ITPKB: variants seen among roughly 807,000 people sequenced by gnomAD.
ITPKB encodes the protein inositol-trisphosphate 3-kinase B.
In ITPKB, 13 loss-of-function variants were observed where a neutral mutation model predicts 69.4. That is an observed-to-expected ratio of 0.19 (90% CI 0.12 to 0.30). ITPKB has a LOEUF of 0.30. ITPKB is among the 10% of genes least tolerant of loss of function. The pLI, the probability that ITPKB is intolerant of heterozygous loss-of-function variation, is 1.00. For missense variants in ITPKB, 1,240 were observed against 1,250.5 expected (o/e 0.99, Z 0.13); for synonymous variants, 584 against 513.7 (o/e 1.14, Z -1.85).
At chr1:226,699,641 G>A (rs910481427) in intron 2 of ITPKB, among the ~76,000 whole-genome samples, 1 of 152,170 alleles carries the variant, frequency 6.6e-6, no homozygotes, top group Non-Finnish European at 1.5e-5. Flanking sequence ...ACGTTAGTCA[G>A]TATCATCTTT....
intron 2 of ITPKB, among the ~76,000 whole-genome samples, chr1:226,679,553 G>A (rs1337465698): frequency 6.6e-6 from 1 of 152,222 alleles, no homozygotes; most frequent in African/African-American, 2.4e-5. Context: ...GAGTTGTGGG[G>A]ACTAACCTAA....
intron 2 of ITPKB, among the ~76,000 whole-genome samples, chr1:226,696,825 C>T (rs1363785415): frequency 6.6e-6 from 1 of 152,198 alleles, no homozygotes; most frequent in African/African-American, 2.4e-5. Context: ...TAGCCCAAGC[C>T]ATCCCCTGAG....
At chr1:226,727,227 C>A (rs558131175) in intron 2 of ITPKB, among the ~76,000 whole-genome samples, 1 of 152,174 alleles carries the variant, frequency 6.6e-6, no homozygotes, top group Non-Finnish European at 1.5e-5. Flanking sequence ...AGACAAACAC[C>A]AGCTCCTATT....
At chr1:226,713,800 A>G (rs1657032008) in intron 2 of ITPKB, among the ~76,000 whole-genome samples, 1 of 152,104 alleles carries the variant, frequency 6.6e-6, no homozygotes, top group African/African-American at 2.4e-5. Context: ...TCAGATAACA[A>G]TCAGTGTCCT....
chr1:226,678,141 C>T (rs1655956481), intron 2 of ITPKB, among the ~76,000 whole-genome samples: 1 of 152,200 alleles, frequency 6.6e-6, no homozygotes, highest in African/African-American at 2.4e-5. Context: ...CACACCTCCA[C>T]AATTTGTCCA....
At position 226,737,333 on chromosome 1, in the gene ITPKB, C is replaced by T. The variant is rs1254694886; in HGVS notation, c.126G>A (p.Leu42=). 1.9e-6 allele frequency: 3 copies of T among 1,599,588 alleles called. No individual in the cohort carries two copies. The African/African-American group carries it at 4.0e-5, about 21-fold the overall frequency. The part of the protein sequence containing the change: ...ETPPPPRRAV[L]SPGSVFSPGR... ...CGGGGCTGAAAACGCTGCCGGGGCT[C>T]AGCACTGCCCTCCTCGGGGGCGGGG... Residue 42 remains leucine, a synonymous_variant, in exon 2 of 8, where the codon CTG becomes CTA. Transcript: ENST00000429204.
Position 226,707,958 on chromosome 1 carries a change from T to C in ITPKB, c.1932+27569A>G, listed in dbSNP as rs371878705. ...GAGGTCATTTTAACAAAAATACTCA[T>C]GGCTGCATATGGCAATAACTGCAAC... On this transcript the variant is annotated intron_variant, in intron 2 of 7. Transcript: ENST00000429204. 440 of 1,219,722 alleles carry C rather than the reference T, an allele frequency of 3.6e-4. 7 individuals carry two copies. In the South Asian group the frequency reaches 5.4e-3, roughly 15 times the overall value. 75.6% of individuals were successfully genotyped at this position (1,219,722 alleles called of 1,614,324 possible). A position where few individuals can be genotyped will look rare whatever the true frequency, so the allele number is the denominator to read the frequency against.
rs567425174 is a variant in ITPKB at position 226,707,156 on chromosome 1, A to C, written c.1932+28371T>G. The C allele has an allele frequency of 1.0e-3, 762 of 726,242 alleles. 3 individuals are homozygous for C. The highest frequency in any genetic ancestry group is 1.2e-3 in the Non-Finnish European group (732 of 593,496). 45.0% of individuals were successfully genotyped at this position (726,242 alleles called of 1,614,324 possible). On this transcript the variant is annotated intron_variant, in intron 2 of 7. Coordinates refer to ENST00000429204, the MANE Select transcript of ITPKB (RefSeq NM_002221.4). ...CCTAGTAGAATAATTCAGAATAAAA[A>C]CATTATTGCCAAATAAAGTACAATC...
chr1:226,703,916 C>T (rs879197134), intron 2 of ITPKB, among the ~76,000 whole-genome samples: 3 of 152,150 alleles, frequency 2.0e-5, no homozygotes, highest in Admixed American at 2.0e-4. Context: ...GTCCCCCTCA[C>T]CCCCAAGAGT....
chr1:226,702,539 G>C (rs1480537938), intron 2 of ITPKB, among the ~76,000 whole-genome samples: 1 of 152,186 alleles, frequency 6.6e-6, no homozygotes, highest in African/African-American at 2.4e-5. Flanking sequence ...TACAAAGGCA[G>C]GCAACAACTG....
intron 2 of ITPKB, among the ~76,000 whole-genome samples, chr1:226,714,575 C>G (rs1657051961): frequency 1.3e-5 from 2 of 152,224 alleles, no homozygotes; most frequent in African/African-American, 2.4e-5. Flanking sequence ...CAAGGTTGCC[C>G]TGCTTCCTCC....
At chr1:226,717,919 T>C (rs1325174621) in intron 2 of ITPKB, among the ~76,000 whole-genome samples, 1 of 152,222 alleles carries the variant, frequency 6.6e-6, no homozygotes, top group Non-Finnish European at 1.5e-5. Context: ...TCTGTGGAAT[T>C]GTTCATTTTC....
chr1:226,650,712 G>A (rs1571840191), intron 2 of ITPKB, among the ~76,000 whole-genome samples: 1 of 152,376 alleles, frequency 6.6e-6, no homozygotes, highest in Non-Finnish European at 1.5e-5. Flanking sequence ...CAGGCTTCAG[G>A]GGTGGTGTGG....
At chr1:226,687,491 G>C (rs755739910) in intron 2 of ITPKB, among the ~76,000 whole-genome samples, 1 of 152,206 alleles carries the variant, frequency 6.6e-6, no homozygotes, top group Non-Finnish European at 1.5e-5. Flanking sequence ...CATAGGAACA[G>C]CCTCTACCCT....
chr1:226,646,276 A>C (rs1669059956), intron 4 of ITPKB, among the ~76,000 whole-genome samples: 1 of 152,180 alleles, frequency 6.6e-6, no homozygotes, highest in Admixed American at 6.5e-5. Flanking sequence ...ATGGGGGCCG[A>C]CAGCCTTAGG....
intron 2 of ITPKB, among the ~76,000 whole-genome samples, chr1:226,703,532 C>G (rs1259335512): frequency 1.3e-5 from 2 of 152,032 alleles, no homozygotes; most frequent in Admixed American, 1.3e-4. Context: ...CGCGCGCGCT[C>G]TGCCCGCCGC....
intron 5 of ITPKB, among the ~76,000 whole-genome samples, 157 bp from the exon 6 acceptor site, chr1:226,639,815 T>C (rs1365814665): frequency 6.6e-6 from 1 of 151,876 alleles, no homozygotes; most frequent in Admixed American, 6.5e-5. Flanking sequence ...CGCATGGAGG[T>C]GGCGTGCACA....
intron 2 of ITPKB, among the ~76,000 whole-genome samples, chr1:226,721,385 T>C (rs1425894304): frequency 1.3e-5 from 2 of 151,638 alleles, no homozygotes; most frequent in African/African-American, 2.4e-5. Context: ...AAAAGAAATA[T>C]TGATGAGCCA....
chr1:226,647,262 C>T lies in ITPKB; in HGVS notation c.2151G>A (p.Gly717=), dbSNP rs1035569786. The T allele has an allele frequency of 1.1e-5, 18 of 1,614,104 alleles. No individual in the cohort carries two copies. In the East Asian group the frequency reaches 3.8e-4, roughly 34 times the overall value. The change falls in exon 4 of 8, where the codon GGG becomes GGA. Residue 717 remains glycine (G), a synonymous_variant. Transcript: ENST00000429204. The part of the protein sequence containing the change: ...VLRPFVPAYH[G]DVVKDGERYN... The stretch of plus-strand genomic sequence containing the variant: ...AGCGCTCCCCGTCCTTCACCACATC[C>T]CCATGGTAGGCAGGTACGAAGGGCC...
Sources: gnomAD v4.1 joint callset for allele counts (sites outside exome capture counted in the v4.1 genomes callset) on GRCh38, gnomAD v4.1.1 for gene constraint, MANE v1.5 for transcripts, NCBI Gene and HGNC (gene_info 2026-07-23, HGNC 2026-07-21) for gene names.